Variants in FAP observed in about 807,000 individuals in gnomAD.
FAP encodes the protein fibroblast activation protein alpha, also known as prolyl endopeptidase FAP.
In FAP, 110 loss-of-function variants were observed where a neutral mutation model predicts 126.5. The observed-to-expected ratio is 0.87, with a 90% CI of 0.74 to 1.02. The LOEUF is 1.02. Ranked by LOEUF, FAP falls within the 50% of genes least tolerant of loss-of-function variation. The pLI, the probability that FAP is intolerant of heterozygous loss-of-function variation, is 0.00. For synonymous variants in FAP, 334 were observed against 297.3 expected, an observed-to-expected ratio of 1.12 and a Z score of -1.27; for missense variants, 919 against 909.2, an observed-to-expected ratio of 1.01 and a Z score of -0.14.
chr2:162,243,102 G>T (rs1185486430), intron 1 of FAP, 110 bp from the exon 2 acceptor site: 1 of 944,572 alleles, frequency 1.1e-6, no homozygotes, highest in Non-Finnish European at 1.6e-6. Context: ...CAAAGCTTTT[G>T]ATTGTTTTCC....
At chr2:162,218,544 C>A (rs556792600) in intron 8 of FAP, among the ~76,000 whole-genome samples, 11 of 149,144 alleles carry the variant, frequency 7.4e-5, no homozygotes, top group South Asian at 4.2e-4. Flanking sequence ...TTAAAAAAAA[C>A]CAAAAACACA....
intron 2 of FAP, among the ~76,000 whole-genome samples, chr2:162,240,093 C>T (rs1296653098): frequency 2.0e-5 from 3 of 151,996 alleles, no homozygotes; most frequent in Non-Finnish European, 4.4e-5. Context: ...GAAGAAGAAC[C>T]TCAAAAGAAA....
chr2:162,190,664 T>G (rs1688012692), intron 17 of FAP, among the ~76,000 whole-genome samples: 1 of 152,068 alleles, frequency 6.6e-6, no homozygotes, highest in Non-Finnish European at 1.5e-5. Context: ...AAATAATATG[T>G]GGAGTTTTAG....
In FAP at chr2:162,171,044, A is replaced by T; in HGVS notation, c.2218T>A (p.Ser740Thr). ...SDQNHGLSGL[S>T]TNHLYTHMTH... ...ATGTGGGTGTATAAGTGGTTCGTGG[A>T]CAGGCCGGATAAGCCGTGGTTCTGG... The change falls in exon 26 of 26, where the codon TCC becomes ACC. Residue 740 changes from serine to threonine, a missense_variant. By Grantham distance (58) the Ser-to-Thr change is moderately conservative. Transcript: ENST00000188790. The T allele has an allele frequency of 6.2e-7, 1 of 1,613,264 alleles. No individual in the cohort carries two copies.
Position 162,188,283 on chromosome 2 carries a change from A to T in FAP, c.1700T>A (p.Met567Lys). The T allele has an allele frequency of 6.2e-7, 1 of 1,613,372 alleles. No homozygotes were observed. The highest frequency in any genetic ancestry group is 8.5e-7 in the Non-Finnish European group (1 of 1,179,516). Residue 567 changes from methionine to lysine, a missense_variant, in exon 20 of 26, where the codon ATG becomes AAG. Coordinates refer to ENST00000188790, the MANE Select transcript of FAP (RefSeq NM_004460.5). Reference protein sequence around the residue: ...WISYLASKEGMVIALVDGRGT... With the variant: ...WISYLASKEGKVIALVDGRGT... ...TCGACCATCCACCAAGGCAATGACC[A>T]TCCCTTCCTTACTTGCAAGATAAGA...
intron 20 of FAP, among the ~76,000 whole-genome samples, chr2:162,184,499 A>C (rs1334486963): frequency 1.3e-5 from 2 of 152,216 alleles, no homozygotes; most frequent in African/African-American, 4.8e-5. Context: ...GCATTGATTC[A>C]ACATGCACGT....
chr2:162,210,024 T>C (rs1374362326), intron 11 of FAP, 28 bp from the exon 12 acceptor site: 3 of 1,602,438 alleles, frequency 1.9e-6, no homozygotes, highest in Admixed American at 1.7e-5. Context: ...ACATCGAACA[T>C]AGTATTAGGA....
chr2:162,205,004 T>C (rs887994002), intron 12 of FAP, among the ~76,000 whole-genome samples: 3 of 152,172 alleles, frequency 2.0e-5, no homozygotes, highest in African/African-American at 7.2e-5. Flanking sequence ...ATAAGGTAGA[T>C]GCCTCATCAC....
chr2:162,222,430 G>A (rs527588032), intron 6 of FAP, among the ~76,000 whole-genome samples: 1 of 152,280 alleles, frequency 6.6e-6, no homozygotes, highest in Admixed American at 6.5e-5. Flanking sequence ...AGCAGTTCCT[G>A]TTTCTTAATT....
intron 10 of FAP, 59 bp downstream of exon 10, chr2:162,215,839 A>G: frequency 8.2e-7 from 1 of 1,216,378 alleles, no homozygotes; most frequent in Non-Finnish European, 1.2e-6. Context: ...TCTAGCATGC[A>G]CAGCATAAAT....
chr2:162,208,876 G>C (rs1032237471), intron 12 of FAP, among the ~76,000 whole-genome samples: 5 of 149,884 alleles, frequency 3.3e-5, no homozygotes, highest in African/African-American at 9.8e-5. Context: ...TGTTACCTCA[G>C]AGTGTAATTT....
intron 16 of FAP, among the ~76,000 whole-genome samples, chr2:162,195,474 T>C (rs1248096303): frequency 6.6e-6 from 1 of 151,388 alleles, no homozygotes; most frequent in Non-Finnish European, 1.5e-5. Context: ...CCCCCTAGCA[T>C]TGGATGTGGC....
At chr2:162,195,585 C>T (rs1394122479) in intron 16 of FAP, among the ~76,000 whole-genome samples, 1 of 151,998 alleles carries the variant, frequency 6.6e-6, no homozygotes, top group Admixed American at 6.6e-5. Context: ...CTCTCAGTAG[C>T]TGAAGAAATG....
chr2:162,183,392 TA>T (rs747324963), intron 21 of FAP, 21 bp downstream of exon 21: 4 of 1,565,602 alleles, frequency 2.6e-6, no homozygotes, highest in South Asian at 2.3e-5. Flanking sequence ...ATAACAGGCA[TA>T]AAAAATATAA....
chr2:162,229,185 T>G (rs1227848946), intron 2 of FAP, among the ~76,000 whole-genome samples: 2 of 152,186 alleles, frequency 1.3e-5, no homozygotes, highest in Non-Finnish European at 2.9e-5. Context: ...AAGACATTTA[T>G]AGCTATAATT....
At chr2:162,198,682 T>G in intron 16 of FAP, 75 bp downstream of exon 16, 2 of 1,522,464 alleles carry the variant, frequency 1.3e-6, no homozygotes, top group African/African-American at 1.4e-5. Context: ...TAGCTACGAA[T>G]TGATCAGATA....
chr2:162,233,178 T>A (rs558541290), intron 2 of FAP, among the ~76,000 whole-genome samples: 1 of 152,094 alleles, frequency 6.6e-6, no homozygotes, highest in African/African-American at 2.4e-5. Context: ...AAAATCAATA[T>A]GTTTAATGCT....
chr2:162,219,766 TCAGG>T, intron 7 of FAP, 83 bp downstream of exon 7: 14 of 874,336 alleles, frequency 1.6e-5, no homozygotes, highest in Admixed American at 6.3e-5. Flanking sequence ...TTTTTTTCTT[TCAGG>T]CAGGGAAATT....
chr2:162,215,874 T>C (rs1414444173), intron 10 of FAP, 24 bp downstream of exon 10: 4 of 1,525,386 alleles, frequency 2.6e-6, no homozygotes, highest in Non-Finnish European at 2.7e-6. Context: ...GATAGAAAGA[T>C]GGGAGGGATC....
Sources: allele counts gnomAD v4.1 joint callset (sites outside exome capture counted in the v4.1 genomes callset), GRCh38; gene constraint gnomAD v4.1.1; transcripts MANE v1.5; gene names NCBI Gene and HGNC (gene_info 2026-07-23, HGNC 2026-07-21).